NXPH1: variants seen among roughly 807,000 people sequenced by gnomAD.
NXPH1 encodes the protein neurexophilin-1.
In NXPH1, 5 loss-of-function variants were observed where a neutral mutation model predicts 23.7. The observed-to-expected ratio is 0.21, with a 90% CI of 0.11 to 0.44. The LOEUF is 0.44. Ranked by LOEUF, NXPH1 falls within the 20% of genes least tolerant of loss-of-function variation. The pLI, the probability that NXPH1 is intolerant of heterozygous loss-of-function variation, is 0.99. For synonymous variants in NXPH1, 144 were observed against 122.2 expected (o/e 1.18, Z -1.18); for missense variants, 324 against 321.6 (o/e 1.01, Z -0.06).
intron 2 of NXPH1, among the ~76,000 whole-genome samples, chr7:8,610,184 G>T (rs538665181): frequency 5.1e-4 from 77 of 152,192 alleles, no homozygotes; most frequent in Non-Finnish European, 1.0e-3. Flanking sequence ...TTCCAATTAA[G>T]GGAAGTAGTA....
intron 2 of NXPH1, among the ~76,000 whole-genome samples, chr7:8,640,288 T>G (rs1820286347): frequency 6.6e-6 from 1 of 151,126 alleles, no homozygotes; most frequent in Non-Finnish European, 1.5e-5. Context: ...TATACAAAAT[T>G]GACTTTTAAA....
At chr7:8,695,587 A>G (rs554814564) in intron 2 of NXPH1, among the ~76,000 whole-genome samples, 1 of 152,286 alleles carries the variant, frequency 6.6e-6, no homozygotes, top group Non-Finnish European at 1.5e-5. Flanking sequence ...TTCTATGGTT[A>G]AGTAGATATG....
chr7:8,649,310 C>T (rs149532305), intron 2 of NXPH1, among the ~76,000 whole-genome samples: 1,276 of 96,802 alleles, frequency 0.013, 13 homozygotes, highest in Non-Finnish European at 0.02. Flanking sequence ...TCTCTTAAAA[C>T]GTATTTCTTT....
At chr7:8,718,144 G>C (rs945974874) in intron 2 of NXPH1, among the ~76,000 whole-genome samples, 4 of 151,998 alleles carry the variant, frequency 2.6e-5, no homozygotes, top group Non-Finnish European at 5.9e-5. Context: ...TCAACATAGA[G>C]TATTTATGCA....
At chr7:8,468,994 T>C (rs2128607993) in intron 2 of NXPH1, among the ~76,000 whole-genome samples, 1 of 152,206 alleles carries the variant, frequency 6.6e-6, no homozygotes, top group Non-Finnish European at 1.5e-5. Context: ...TATAACAATC[T>C]TGTTTTTAAC....
chr7:8,453,293 G>C (rs758683685), intron 2 of NXPH1, among the ~76,000 whole-genome samples: 7 of 152,006 alleles, frequency 4.6e-5, no homozygotes, highest in Middle Eastern at 3.2e-3. Flanking sequence ...CTTAGTCACC[G>C]AACATCTGAA....
intron 2 of NXPH1, among the ~76,000 whole-genome samples, chr7:8,660,274 A>T (rs1820651736): frequency 6.6e-6 from 1 of 152,212 alleles, no homozygotes; most frequent in African/African-American, 2.4e-5. Flanking sequence ...TTTAAGTAAC[A>T]GTCTGAGTAG....
chr7:8,637,225 C>CT (rs532810877), intron 2 of NXPH1, among the ~76,000 whole-genome samples: 2,049 of 142,888 alleles, frequency 0.014, 29 homozygotes, highest in African/African-American at 0.043. Flanking sequence ...GGGACTGACT[C>CT]TTTTTTTTTT....
At chr7:8,451,945 T>C (rs948008467) in intron 2 of NXPH1, among the ~76,000 whole-genome samples, 1 of 152,226 alleles carries the variant, frequency 6.6e-6, no homozygotes, top group Non-Finnish European at 1.5e-5. Context: ...GTATGTCTCA[T>C]GGAACATAGC....
Position 8,513,463 on chromosome 7 carries a change from T to G in NXPH1, c.54+77696T>G, listed in dbSNP as rs189207166. ...ATTCACATATTTGGTTGCAGAAATA[T>G]TAAAGTGTTGATTACAATGTATACC... On this transcript the variant is annotated intron_variant, in intron 2 of 2. Coordinates refer to ENST00000405863, the MANE Select transcript of NXPH1 (RefSeq NM_152745.3). 1.1e-3 allele frequency among the ~76,000 whole-genome samples: 175 copies of G among 152,262 alleles called. 1 individual carries two copies. Among genetic ancestry groups the G allele is most frequent in the African/African-American group, 4.2e-3 (173 of 41,564 alleles).
At chr7:8,439,550 C>G (rs1816256718) in intron 2 of NXPH1, among the ~76,000 whole-genome samples, 1 of 152,232 alleles carries the variant, frequency 6.6e-6, no homozygotes, top group South Asian at 2.1e-4. Context: ...GAAGGGGTCC[C>G]ACCATTTCTG....
At position 8,435,750 on chromosome 7, in the gene NXPH1, C is replaced by G; in HGVS notation, c.37C>G (p.Gln13Glu). Residue 13 changes from glutamine (Q) to glutamate (E), a missense_variant, in exon 2 of 3, where the codon CAG becomes GAG. Transcript: ENST00000405863. This position sits in a 1 kb window ranked among gnomAD's most constrained non-coding sequence, Gnocchi z 5.9. ...GTGCTGGTACGTGCTTTTCCTCCTG[C>G]AGCCCACCGTCTACTTGGTAAGTCT... ...AACWYVLFLL[Q>E]PTVYLVTCAN... 6.2e-7 allele frequency: 1 copy of G among 1,613,944 alleles called. No homozygotes were observed. Among genetic ancestry groups the G allele is most frequent in the East Asian group, 2.2e-5 (1 of 44,872 alleles).
At chr7:8,545,885 C>T (rs1306061022) in intron 2 of NXPH1, among the ~76,000 whole-genome samples, 1 of 151,398 alleles carries the variant, frequency 6.6e-6, no homozygotes, top group East Asian at 2.0e-4. Flanking sequence ...TGGTCTGACA[C>T]AGGCAGTCAA....
chr7:8,687,612 T>C (rs1222526333), intron 2 of NXPH1, among the ~76,000 whole-genome samples: 2 of 152,186 alleles, frequency 1.3e-5, no homozygotes, highest in Non-Finnish European at 2.9e-5. Flanking sequence ...ATACTGCCTT[T>C]GCACATAGGA....
chr7:8,749,044 G>T (rs1200279866), intron 2 of NXPH1, among the ~76,000 whole-genome samples: 1 of 152,186 alleles, frequency 6.6e-6, no homozygotes, highest in Admixed American at 6.5e-5. Context: ...CCCTGGGGGA[G>T]CCCATTTTTT....
chr7:8,552,114 CAAAAA>C (rs34390317), intron 2 of NXPH1, among the ~76,000 whole-genome samples: 9 of 61,748 alleles, frequency 1.5e-4, no homozygotes, highest in African/African-American at 2.1e-4. Flanking sequence ...GAAAAAAAAC[CAAAAA>C]AAAAAAAAAA....
intron 2 of NXPH1, among the ~76,000 whole-genome samples, chr7:8,670,523 C>A (rs1820852303): frequency 6.6e-6 from 1 of 152,146 alleles, no homozygotes; most frequent in South Asian, 2.1e-4. Context: ...ACTCGTGCAT[C>A]TTTTCTGCCA....
chr7:8,493,280 G>A (rs1817282396), intron 2 of NXPH1, among the ~76,000 whole-genome samples: 1 of 152,054 alleles, frequency 6.6e-6, no homozygotes, highest in African/African-American at 2.4e-5. Flanking sequence ...AAGGAAGTAT[G>A]TTTTAAATTA....
chr7:8,454,618 C>A (rs763918462), intron 2 of NXPH1, among the ~76,000 whole-genome samples: 23 of 152,126 alleles, frequency 1.5e-4, no homozygotes, highest in African/African-American at 2.4e-4. Context: ...CCCACCGTAT[C>A]TTTCCTCCTC....
Sources: allele counts gnomAD v4.1 joint callset (sites outside exome capture counted in the v4.1 genomes callset), GRCh38; gene constraint gnomAD v4.1.1; non-coding constraint Gnocchi (gnomAD v3.1); transcripts MANE v1.5; gene names NCBI Gene and HGNC (gene_info 2026-07-23, HGNC 2026-07-21).